Variants in OTOGL observed in about 807,000 individuals in gnomAD.
OTOGL encodes otogelin like.
Under a neutral mutation model 318.5 loss-of-function variants are expected in OTOGL, and 285 were observed. The observed-to-expected ratio is 0.89, with a 90% CI of 0.81 to 0.99. The LOEUF (loss-of-function observed/expected upper bound fraction) is 0.99, where lower values mean the gene tolerates loss of function less well. OTOGL is among the 50% of genes least tolerant of loss of function. The probability of loss-of-function intolerance (pLI) is 0.00; values close to 1 mark genes in which losing one functional copy is unlikely to be tolerated. For missense variants in OTOGL, 2,899 were observed against 2,845.6 expected (o/e 1.02, Z -0.43); for synonymous variants, 987 against 936.5 (o/e 1.05, Z -0.99).
At chr12:80,104,754 G>T (rs10862048) in intron 1 of OTOGL, among the ~76,000 whole-genome samples, 83,614 of 151,872 alleles carry the variant, frequency 0.55, 23,175 homozygotes, top group Middle Eastern at 0.58. Flanking sequence ...ATCTTTTAAA[G>T]AAATCTGGTA....
At chr12:80,153,144 G>A (rs1359747938) in intron 1 of OTOGL, among the ~76,000 whole-genome samples, 1 of 152,094 alleles carries the variant, frequency 6.6e-6, no homozygotes, top group African/African-American at 2.4e-5. Flanking sequence ...CTATAGTACG[G>A]CCTTATCAAC....
intron 26 of OTOGL, among the ~76,000 whole-genome samples, chr12:80,288,845 T>C (rs969415930): frequency 2.0e-5 from 3 of 152,214 alleles, no homozygotes; most frequent in Middle Eastern, 3.4e-3. Flanking sequence ...GGTTAGAACA[T>C]ACTCTTTTAG....
chr12:80,306,960 C>T (rs1179971143), intron 29 of OTOGL, among the ~76,000 whole-genome samples: 2 of 148,518 alleles, frequency 1.3e-5, no homozygotes, highest in African/African-American at 2.6e-5. Flanking sequence ...GCGGCCTTTC[C>T]GCAGTGTTTG....
chr12:80,312,856 G>A (rs1047385141), intron 30 of OTOGL, among the ~76,000 whole-genome samples: 2 of 151,860 alleles, frequency 1.3e-5, no homozygotes, highest in East Asian at 3.9e-4. Flanking sequence ...CTGTCGCTCA[G>A]GCTGGAGTGC....
chr12:80,238,853 G>T lies in OTOGL; in HGVS notation c.820G>T (p.Asp274Tyr). 6.5e-7 allele frequency: 1 copy of T among 1,537,062 alleles called. No homozygotes were observed. The highest frequency in any genetic ancestry group is 8.7e-7 in the Non-Finnish European group (1 of 1,147,628). ...QSDDFIILQEDYTEDIAMFAN... is the reference protein window; with the variant it reads ...QSDDFIILQEYYTEDIAMFAN... ...GTGTGTGTGCCTGTGTGAAATAGAGGACTATACAGAAGACATCGCTATGTT... is the reference window on the plus strand; with the variant it reads ...GTGTGTGTGCCTGTGTGAAATAGAGTACTATACAGAAGACATCGCTATGTT... Residue 274 changes from aspartate to tyrosine, a missense_variant and splice_region_variant, in exon 10 of 59, where the codon GAC (aspartate) becomes TAC (tyrosine). By Grantham distance (160) the Asp-to-Tyr change is radical (BLOSUM62 -3). Around this residue, in one of 3 missense-constraint regions of OTOGL, gnomAD observed 2,607 missense variants for 2,524.9 expected, o/e 1.03. Coordinates refer to ENST00000547103, the MANE Select transcript of OTOGL (RefSeq NM_001378609.3).
intron 1 of OTOGL, among the ~76,000 whole-genome samples, chr12:80,176,878 CTGT>C (rs1296733284): frequency 1.3e-5 from 2 of 151,958 alleles, no homozygotes; most frequent in Non-Finnish European, 2.9e-5. Flanking sequence ...GTGAAAATTC[CTGT>C]TGTTCTCCAT....
chr12:80,284,425 C>G (rs1284428573), intron 26 of OTOGL, among the ~76,000 whole-genome samples: 1 of 152,170 alleles, frequency 6.6e-6, no homozygotes, highest in African/African-American at 2.4e-5. Flanking sequence ...AGTGGTATTT[C>G]TGGTTCTAGA....
chr12:80,147,975 A>G (rs1872517663), intron 1 of OTOGL, among the ~76,000 whole-genome samples: 1 of 152,122 alleles, frequency 6.6e-6, no homozygotes, highest in African/African-American at 2.4e-5. Flanking sequence ...GGTTTCCTGA[A>G]TACAGCACAC....
chr12:80,117,880 T>C (rs1161160656), intron 1 of OTOGL, among the ~76,000 whole-genome samples: 1 of 152,212 alleles, frequency 6.6e-6, no homozygotes, highest in African/African-American at 2.4e-5. Flanking sequence ...TGCTTTTTTC[T>C]TCTTCAAAAG....
rs1040514849 is a variant in OTOGL, at chr12:80,321,219, G to A, written c.4081+519G>A. On this transcript the variant is annotated intron_variant, in intron 34 of 58. Coordinates refer to ENST00000547103, the MANE Select transcript of OTOGL (RefSeq NM_001378609.3). Reference sequence around the variant, plus strand: ...AATCTTACTTCTAGAGAGCCTTTGAGGTCTATAGCTATTGAATTTTCTGCA... The same window carrying A: ...AATCTTACTTCTAGAGAGCCTTTGAAGTCTATAGCTATTGAATTTTCTGCA... Among the ~76,000 whole-genome samples the A allele has an allele frequency of 6.6e-5, 10 of 152,092 alleles. No homozygotes were observed. In the East Asian group the frequency reaches 7.7e-4, roughly 12 times the overall value.
chr12:80,227,149 T>C (rs11835181), intron 7 of OTOGL, among the ~76,000 whole-genome samples: 3,360 of 152,230 alleles, frequency 0.022, 131 homozygotes, highest in African/African-American at 0.076. Context: ...TATTTTCCAC[T>C]TTTTTCCTTT....
intron 22 of OTOGL, among the ~76,000 whole-genome samples, chr12:80,269,830 A>G (rs1408727309): frequency 6.6e-6 from 1 of 152,136 alleles, no homozygotes; most frequent in Admixed American, 6.6e-5. Flanking sequence ...CTGTGAGACA[A>G]ATTATGGTAA....
intron 5 of OTOGL, 86 bp downstream of exon 5, chr12:80,217,750 G>T: frequency 1.2e-5 from 12 of 987,394 alleles, no homozygotes; most frequent in Non-Finnish European, 1.8e-5. Flanking sequence ...TATTGTTTCC[G>T]TATACCACAT....
intron 1 of OTOGL, among the ~76,000 whole-genome samples, chr12:80,130,174 A>T (rs1871150989): frequency 1.3e-5 from 2 of 152,126 alleles, no homozygotes; most frequent in Admixed American, 6.6e-5. Context: ...CCCCAAAACA[A>T]TTTTTATTGA....
chr12:80,328,814 G>T, intron 36 of OTOGL, 70 bp downstream of exon 36: 1 of 1,392,474 alleles, frequency 7.2e-7, no homozygotes, highest in Non-Finnish European at 1.0e-6. Flanking sequence ...CGAGGCAAGT[G>T]GTTGTAAACA....
intron 22 of OTOGL, 141 bp downstream of exon 22, chr12:80,267,468 T>C (rs1883079005): frequency 3.7e-6 from 1 of 267,122 alleles, no homozygotes; most frequent in East Asian, 1.1e-4. Context: ...TTGTTACGTA[T>C]GTATACATGT....
Position 80,255,057 on chromosome 12 carries a change from G to C in OTOGL, c.1459G>C (p.Gly487Arg). The change falls in exon 16 of 59, where the codon GGT becomes CGT. Residue 487 changes from glycine to arginine, a missense_variant. This residue lies in a region of OTOGL where 2,607 missense variants were observed against 2,524.9 expected (regional missense o/e 1.03). Coordinates refer to ENST00000547103, the MANE Select transcript of OTOGL (RefSeq NM_001378609.3). ...QDCPVQCSVVGDSHFTTFDGR... is the reference protein window; with the variant it reads ...QDCPVQCSVVRDSHFTTFDGR... Reference sequence around the variant, plus strand: ...TTTGGCAGTTCAATGCTCAGTTGTAGGTGATTCTCACTTTACAACTTTTGA... The same window carrying C: ...TTTGGCAGTTCAATGCTCAGTTGTACGTGATTCTCACTTTACAACTTTTGA... 1 of 1,497,968 alleles carries C rather than the reference G, an allele frequency of 6.7e-7. No individual in the cohort carries two copies. Among genetic ancestry groups the C allele is most frequent in the Non-Finnish European group, 8.9e-7 (1 of 1,127,656 alleles). The allele number at this position is 1,497,968 out of a possible 1,614,324, so 92.8% of individuals were successfully genotyped here. A position where few individuals can be genotyped will look rare whatever the true frequency, so the allele number is the denominator to read the frequency against.
At position 80,353,408 on chromosome 12, in the gene OTOGL, G is replaced by A; in HGVS notation, c.5491G>A (p.Gly1831Arg). ...AACATGCCTGAACCAATGGTTCTAT[G>A]GACACACTTCCTGTTTGAATCTAAG... ...ARTCLNQWFY[G>R]HTSCLNLRED... Residue 1831 changes from glycine to arginine, a missense_variant, in exon 46 of 59, where the codon GGA becomes AGA. Physicochemically the swap from Gly to Arg is moderately radical, Grantham distance 125. Transcript: ENST00000547103. The A allele has an allele frequency of 6.2e-7, 1 of 1,603,466 alleles. No homozygotes were observed. Among genetic ancestry groups the A allele is most frequent in the Non-Finnish European group, 8.5e-7 (1 of 1,174,588 alleles).
At position 80,255,044 on chromosome 12, in the gene OTOGL, A is replaced by T; in HGVS notation, c.1446A>T (p.Gln482His). The T allele has an allele frequency of 6.9e-7, 1 of 1,457,504 alleles. No individual in the cohort carries two copies. The highest frequency in any genetic ancestry group is 9.0e-7 in the Non-Finnish European group (1 of 1,109,228). The allele number at this position is 1,457,504 out of a possible 1,614,324, so 90.3% of individuals were successfully genotyped here. A position where few individuals can be genotyped will look rare whatever the true frequency, so the allele number is the denominator to read the frequency against. Residue 482 changes from glutamine to histidine, a missense_variant, in exon 16 of 59, where the codon CAA becomes CAT. By Grantham distance (24) the Gln-to-His change is conservative. Coordinates refer to ENST00000547103, the MANE Select transcript of OTOGL (RefSeq NM_001378609.3). ...TTTTCTTTTTTTTTTTGGCAGTTCAATGCTCAGTTGTAGGTGATTCTCACT... is the reference window on the plus strand; with the variant it reads ...TTTTCTTTTTTTTTTTGGCAGTTCATTGCTCAGTTGTAGGTGATTCTCACT... ...WNCTEQDCPV[Q>H]CSVVGDSHFT... is the part of the protein sequence containing the mutation.
Sources: gnomAD v4.1 joint callset for allele counts (sites outside exome capture counted in the v4.1 genomes callset) on GRCh38, gnomAD v4.1.1 for gene constraint, gnomAD v4.1.1 regional missense constraint, MANE v1.5 for transcripts, NCBI Gene and HGNC (gene_info 2026-07-23, HGNC 2026-07-21) for gene names.